Variants in SLC35F3 observed in about 807,000 individuals in gnomAD.
SLC35F3 encodes solute carrier family 35 member F3.
SLC35F3 carries 25 observed loss-of-function variants against 49.9 expected under a neutral mutation model. That is an observed-to-expected ratio of 0.50 (90% CI 0.37 to 0.70). SLC35F3 has a LOEUF of 0.70. SLC35F3 is among the 30% of genes least tolerant of loss of function. The probability of loss-of-function intolerance (pLI) is 0.00; values close to 1 mark genes in which losing one functional copy is unlikely to be tolerated. For missense variants in SLC35F3, 525 were observed against 639.8 expected, an observed-to-expected ratio of 0.82 and a Z score of 1.94; for synonymous variants, 275 against 265.4, an observed-to-expected ratio of 1.04 and a Z score of -0.35.
chr1:234,186,622 T>C (rs530824067), intron 2 of SLC35F3, among the ~76,000 whole-genome samples: 62 of 152,300 alleles, frequency 4.1e-4, no homozygotes, highest in South Asian at 2.3e-3. Flanking sequence ...GCACATGCCA[T>C]CAGGATCTCA....
chr1:233,962,073 A>T (rs574509127), intron 2 of SLC35F3, among the ~76,000 whole-genome samples: 25 of 152,202 alleles, frequency 1.6e-4, no homozygotes, highest in Non-Finnish European at 3.1e-4. Context: ...TCATTGTAGC[A>T]ACTTGATTAA....
chr1:234,077,621 G>A (rs568955871), intron 2 of SLC35F3, among the ~76,000 whole-genome samples: 1 of 152,296 alleles, frequency 6.6e-6, no homozygotes, highest in South Asian at 2.1e-4. Flanking sequence ...GACCATACCA[G>A]TGGGTGTGCA....
chr1:233,972,761 G>A (rs80102488), intron 2 of SLC35F3, among the ~76,000 whole-genome samples: 13,192 of 152,222 alleles, frequency 0.087, 864 homozygotes, highest in African/African-American at 0.19. Flanking sequence ...ATGAGGCATC[G>A]TGATGACTTA....
intron 2 of SLC35F3, among the ~76,000 whole-genome samples, chr1:233,951,490 CT>C (rs934516115): frequency 1.1e-4 from 17 of 151,666 alleles, no homozygotes; most frequent in African/African-American, 4.1e-4. Flanking sequence ...TTTTCTGTAC[CT>C]TTTCTTTGTT....
chr1:234,301,184 AC>A (rs1189216894), intron 3 of SLC35F3, among the ~76,000 whole-genome samples: 1 of 152,216 alleles, frequency 6.6e-6, no homozygotes, highest in Non-Finnish European at 1.5e-5. Flanking sequence ...TAAAACCATG[AC>A]AATAGATGAC....
At chr1:234,129,009 T>A (rs375142674) in intron 2 of SLC35F3, among the ~76,000 whole-genome samples, 4 of 152,316 alleles carry the variant, frequency 2.6e-5, no homozygotes, top group South Asian at 4.1e-4. Context: ...CACAAACATG[T>A]TTTTGTCCAG....
intron 2 of SLC35F3, among the ~76,000 whole-genome samples, chr1:233,942,987 C>G (rs1310170785): frequency 6.6e-6 from 1 of 152,206 alleles, no homozygotes; most frequent in Non-Finnish European, 1.5e-5. Context: ...CTTCACTTAG[C>G]GTAATGTCCT....
At chr1:234,105,030 A>T (rs529040445) in intron 2 of SLC35F3, among the ~76,000 whole-genome samples, 48 of 151,426 alleles carry the variant, frequency 3.2e-4, no homozygotes, top group African/African-American at 1.1e-3. Flanking sequence ...CTGGAGGCTG[A>T]GGCAGGAGAA....
At chr1:234,316,866 A>G (rs1657501660) in intron 5 of SLC35F3, 139 bp downstream of exon 5, 1 of 1,133,066 alleles carries the variant, frequency 8.8e-7, no homozygotes. Flanking sequence ...AGATAGCTGG[A>G]GTCAACTGTG....
rs114438730 is a variant in SLC35F3 at position 234,290,987 on chromosome 1, T to C, written c.609-18114T>C. ...GGGGTAAGGAGAGGCCACCAATAGA[T>C]ATGACCTTAAACTTCAGATTCACCG... On this transcript the variant is annotated intron_variant, in intron 3 of 7. Coordinates refer to ENST00000366618, the MANE Select transcript of SLC35F3 (RefSeq NM_173508.4). 7.8e-3 allele frequency among the ~76,000 whole-genome samples: 1,193 copies of C among 152,290 alleles called. 18 individuals carry two copies. Among genetic ancestry groups the C allele is most frequent in the African/African-American group, 0.02 (838 of 41,550 alleles).
At chr1:234,083,509 A>G (rs1027677598) in intron 2 of SLC35F3, among the ~76,000 whole-genome samples, 2 of 152,208 alleles carry the variant, frequency 1.3e-5, no homozygotes, top group Non-Finnish European at 2.9e-5. Flanking sequence ...TCTGCACAGA[A>G]TCATACACAT....
intron 3 of SLC35F3, among the ~76,000 whole-genome samples, chr1:234,262,699 A>T (rs1299121003): frequency 6.6e-6 from 1 of 152,192 alleles, no homozygotes; most frequent in Non-Finnish European, 1.5e-5. Flanking sequence ...TGCAAGCTGC[A>T]ACAGCTTCAG....
intron 2 of SLC35F3, among the ~76,000 whole-genome samples, chr1:233,937,214 A>G (rs1174660028): frequency 6.6e-6 from 1 of 152,204 alleles, no homozygotes; most frequent in Non-Finnish European, 1.5e-5. Flanking sequence ...CCTCATGGTA[A>G]ATTAGGGTGC....
At chr1:234,296,144 C>T (rs887082909) in intron 3 of SLC35F3, among the ~76,000 whole-genome samples, 6 of 152,072 alleles carry the variant, frequency 3.9e-5, no homozygotes, top group East Asian at 3.9e-4. Context: ...CTCTGTTTTG[C>T]GGAGGGATGT....
intron 3 of SLC35F3, among the ~76,000 whole-genome samples, chr1:234,304,074 TCTTCCTTC>T (rs371955402): frequency 8.7e-5 from 2 of 22,942 alleles, no homozygotes; most frequent in Admixed American, 2.6e-4. Context: ...TTCCTTCCTT[TCTTCCTTC>T]CTTCCTTCCT....
intron 2 of SLC35F3, among the ~76,000 whole-genome samples, chr1:234,081,470 C>A (rs1427024408): frequency 6.6e-6 from 1 of 152,088 alleles, no homozygotes; most frequent in Admixed American, 6.5e-5. Context: ...GAGTCAGGAC[C>A]TGGGGGAGGG....
intron 3 of SLC35F3, among the ~76,000 whole-genome samples, chr1:234,275,926 A>G (rs940914086): frequency 6.6e-6 from 1 of 152,052 alleles, no homozygotes. Context: ...TATTTTCTTC[A>G]TTTCCATATA....
intron 2 of SLC35F3, among the ~76,000 whole-genome samples, chr1:234,045,262 T>G (rs969802393): frequency 6.6e-6 from 1 of 152,206 alleles, no homozygotes; most frequent in Admixed American, 6.5e-5. Context: ...ATTTTTATAA[T>G]GAAGTTTTCA....
At chr1:234,176,937 T>C (rs886171071) in intron 2 of SLC35F3, among the ~76,000 whole-genome samples, 81 of 152,344 alleles carry the variant, frequency 5.3e-4, no homozygotes, top group African/African-American at 1.8e-3. Flanking sequence ...TGGAGAATTA[T>C]TCTTGTGAGG....
Sources: gnomAD v4.1 joint callset for allele counts (sites outside exome capture counted in the v4.1 genomes callset) on GRCh38, gnomAD v4.1.1 for gene constraint, MANE v1.5 for transcripts, NCBI Gene and HGNC (gene_info 2026-07-23, HGNC 2026-07-21) for gene names.